Variants in TUBB3 observed in about 807,000 individuals in gnomAD.
TUBB3 encodes the protein tubulin beta-3 chain.
TUBB3 carries 17 observed loss-of-function variants against 37.8 expected under a neutral mutation model. The observed-to-expected ratio is 0.45, with a 90% CI of 0.31 to 0.67. The LOEUF is 0.67. TUBB3 is among the 30% of genes least tolerant of loss of function. The probability of loss-of-function intolerance (pLI) is 0.07; values close to 1 mark genes in which losing one functional copy is unlikely to be tolerated. For missense variants in TUBB3, 262 were observed against 657.9 expected, an observed-to-expected ratio of 0.40 and a Z score of 6.58; for synonymous variants, 332 against 278.9, an observed-to-expected ratio of 1.19 and a Z score of -1.90.
chr16:89,923,266 G>T, upstream of TUBB3: 1 of 574,836 alleles, frequency 1.7e-6, no homozygotes, highest in Non-Finnish European at 2.5e-6. Flanking sequence ...CCTCCCGATT[G>T]GCCACCCGCG....
chr16:89,930,460 G>T (rs992947881), intron 1 of TUBB3, among the ~76,000 whole-genome samples: 2 of 151,042 alleles, frequency 1.3e-5, no homozygotes, highest in Non-Finnish European at 3.0e-5. Context: ...GTCTCACTCT[G>T]TCGCCCACGC....
chr16:89,924,939 T>A (rs1054760296), intron 1 of TUBB3, among the ~76,000 whole-genome samples: 1 of 143,492 alleles, frequency 7.0e-6, no homozygotes, highest in African/African-American at 2.6e-5. Flanking sequence ...GGGTCAGGGG[T>A]CGCTGGGGGG....
chr16:89,934,998 T>C lies in TUBB3; in HGVS notation c.547T>C (p.Tyr183His). 1 of 1,614,122 alleles carries C rather than the reference T, an allele frequency of 6.2e-7. No homozygotes were observed. The highest frequency in any genetic ancestry group is 1.1e-5 in the South Asian group (1 of 91,084). The change falls in exon 4 of 4, where the codon TAC becomes CAC. Residue 183 changes from tyrosine (Y) to histidine (H), a missense_variant. Physicochemically the swap from Tyr to His is moderately conservative, Grantham distance 83 (BLOSUM62 2). This residue lies in a region of TUBB3 where 165 missense variants were observed against 556.8 expected (regional missense o/e 0.30). Coordinates refer to ENST00000315491, the MANE Select transcript of TUBB3 (RefSeq NM_006086.4). ...GGTGTCAGACACGGTGGTGGAGCCC[T>C]ACAACGCCACGCTGTCCATCCACCA... ...PKVSDTVVEP[Y>H]NATLSIHQLV...
chr16:89,934,474 G>T, intron 3 of TUBB3: 1 of 631,150 alleles, frequency 1.6e-6, no homozygotes, highest in Non-Finnish European at 2.9e-6. Flanking sequence ...GATCCCCTCA[G>T]GAGGCAGAGC....
upstream of TUBB3, chr16:89,921,926 C>T (rs924506233): frequency 1.3e-5 from 2 of 152,324 alleles, no homozygotes; most frequent in Non-Finnish European, 2.9e-5. Flanking sequence ...AAGCCCGGCA[C>T]CAGACCCCTC....
Position 89,935,952 on chromosome 16 carries a change from G to A in TUBB3, c.*148G>A, listed in dbSNP as rs12207. 0.056 allele frequency: 57,286 copies of A among 1,018,468 alleles called. 2,060 individuals are homozygous for A. The highest frequency in any genetic ancestry group is 0.16 in the Middle Eastern group (500 of 3,078). 63.1% of individuals were successfully genotyped at this position (1,018,468 alleles called of 1,614,324 possible). A position where few individuals can be genotyped will look rare whatever the true frequency, so the allele number is the denominator to read the frequency against. On this transcript the variant is annotated 3_prime_UTR_variant, in exon 4 of 4. Transcript: ENST00000315491. ...GCCCTCCTGCAGTATTTATGGCCTC[G>A]TCCTCCCCACCTAGGCCACGTGTGA...
chr16:89,924,261 C>G (rs879923171), intron 1 of TUBB3, among the ~76,000 whole-genome samples: 2 of 152,236 alleles, frequency 1.3e-5, no homozygotes, highest in African/African-American at 4.8e-5. Context: ...GCAGGGACCC[C>G]TGCCTAAATC....
chr16:89,923,442 A>G lies in TUBB3; in HGVS notation c.41A>G (p.Asn14Ser). 1.3e-6 allele frequency: 2 copies of G among 1,513,732 alleles called. No individual in the cohort carries two copies. Among genetic ancestry groups the G allele is most frequent in the Non-Finnish European group, 1.8e-6 (2 of 1,130,708 alleles). The allele number at this position is 1,513,732 out of a possible 1,614,324, so 93.8% of individuals were successfully genotyped here. Reference protein sequence around the residue: ...IVHIQAGQCGNQIGAKFWEVI... With the variant: ...IVHIQAGQCGSQIGAKFWEVI... Reference sequence around the variant, plus strand: ...CACATCCAGGCCGGCCAGTGCGGCAACCAGATCGGGGCCAAGGTGAGGCTG... The same window carrying G: ...CACATCCAGGCCGGCCAGTGCGGCAGCCAGATCGGGGCCAAGGTGAGGCTG... The change falls in exon 1 of 4, where the codon AAC (asparagine) becomes AGC (serine). Residue 14 changes from asparagine (N) to serine (S), a missense_variant. By Grantham distance (46) the Asn-to-Ser change is conservative. This residue lies in a region of TUBB3 where 58 missense variants were observed against 74.2 expected (regional missense o/e 0.78). Coordinates refer to ENST00000315491, the MANE Select transcript of TUBB3 (RefSeq NM_006086.4).
At chr16:89,933,673 C>T in intron 3 of TUBB3, 95 bp downstream of exon 3, 1 of 935,130 alleles carries the variant, frequency 1.1e-6, no homozygotes, top group Non-Finnish European at 1.8e-6. Context: ...AAGGAATGGT[C>T]AGCTCCTCAC....
chr16:89,933,628 GC>G, intron 3 of TUBB3, 50 bp downstream of exon 3: 1 of 1,457,168 alleles, frequency 6.9e-7, no homozygotes, highest in Non-Finnish European at 9.6e-7. Flanking sequence ...TCACAGGCAA[GC>G]CCAGGTCGGT....
At chr16:89,925,965 C>A (rs2030061954) in intron 1 of TUBB3, among the ~76,000 whole-genome samples, 2 of 152,178 alleles carry the variant, frequency 1.3e-5, no homozygotes, top group South Asian at 4.1e-4. Flanking sequence ...CGCGGGGATG[C>A]AGTAAGCCGG....
intron 3 of TUBB3, 22 bp from the exon 4 acceptor site, chr16:89,934,707 T>TA: frequency 6.2e-7 from 1 of 1,611,676 alleles, no homozygotes; most frequent in Non-Finnish European, 8.5e-7. Flanking sequence ...CCCTGTCTCT[T>TA]ACCCCTCTTC....
At chr16:89,928,593 C>G (rs944841406) in intron 1 of TUBB3, among the ~76,000 whole-genome samples, 1 of 151,252 alleles carries the variant, frequency 6.6e-6, no homozygotes, top group African/African-American at 2.4e-5. Context: ...GGCACAATCT[C>G]GGTTCACTGC....
upstream of TUBB3, chr16:89,922,544 G>C (rs1481023889): frequency 3.3e-5 from 5 of 152,274 alleles, no homozygotes; most frequent in Non-Finnish European, 1.5e-5. Flanking sequence ...AGAAGCCGCT[G>C]CCCACCCTCC....
Position 89,932,613 on chromosome 16 carries a change from G to A in TUBB3, c.100G>A (p.Gly34Ser). 3.7e-6 allele frequency: 6 copies of A among 1,614,108 alleles called. No homozygotes were observed. Among genetic ancestry groups the A allele is most frequent in the East Asian group, 4.5e-5 (2 of 44,880 alleles). The change falls in exon 2 of 4, where the codon GGC (glycine) becomes AGC (serine). Residue 34 changes from glycine (G) to serine (S), a missense_variant. Gly to Ser is a moderately conservative substitution (Grantham distance 56). Around this residue, in one of 3 missense-constraint regions of TUBB3, gnomAD observed 58 missense variants for 74.2 expected, o/e 0.78. Transcript: ENST00000315491. ...TGATGAGCATGGCATCGACCCCAGCGGCAACTACGTGGGCGACTCGGACTT... is the reference window on the plus strand; with the variant it reads ...TGATGAGCATGGCATCGACCCCAGCAGCAACTACGTGGGCGACTCGGACTT... The part of the protein sequence containing the change: ...ISDEHGIDPS[G>S]NYVGDSDLQL...
upstream of TUBB3, chr16:89,922,743 G>C (rs2029925833): frequency 1.3e-5 from 2 of 152,004 alleles, no homozygotes; most frequent in Admixed American, 1.3e-4. Context: ...TGCGGAAGCC[G>C]GCGACCCACG....
chr16:89,935,681 G>A lies in TUBB3; in HGVS notation c.1230G>A (p.Glu410=). The A allele has an allele frequency of 1.2e-6, 2 of 1,613,872 alleles. No homozygotes were observed. Among genetic ancestry groups the A allele is most frequent in the Non-Finnish European group, 1.7e-6 (2 of 1,179,900 alleles). ...GCATGGACGAGATGGAGTTCACCGA[G>A]GCCGAGAGCAACATGAACGACCTGG... is the stretch of plus-strand genomic sequence containing the variant. The part of the protein sequence containing the change: ...GEGMDEMEFT[E]AESNMNDLVS... The change falls in exon 4 of 4, where the codon GAG becomes GAA. Residue 410 remains glutamate, a synonymous_variant. Coordinates refer to ENST00000315491, the MANE Select transcript of TUBB3 (RefSeq NM_006086.4).
chr16:89,925,804 C>T (rs1281674513), intron 1 of TUBB3, among the ~76,000 whole-genome samples: 4 of 152,172 alleles, frequency 2.6e-5, no homozygotes, highest in Admixed American at 2.6e-4. Context: ...TCGGGCGGTG[C>T]CTGGCTGGGC....
intron 1 of TUBB3, among the ~76,000 whole-genome samples, chr16:89,923,666 C>T (rs977530487): frequency 6.6e-6 from 1 of 152,192 alleles, no homozygotes; most frequent in Non-Finnish European, 1.5e-5. Context: ...TGACCTCGGG[C>T]TGTCGAGGCG....
Sources: allele counts gnomAD v4.1 joint callset (sites outside exome capture counted in the v4.1 genomes callset), GRCh38; gene constraint gnomAD v4.1.1; regional missense constraint gnomAD v4.1.1; transcripts MANE v1.5; gene names NCBI Gene and HGNC (gene_info 2026-07-23, HGNC 2026-07-21).